The following CCDC88C variants were observed in gnomAD, a reference collection of about 807,000 sequenced individuals.
CCDC88C encodes the protein protein Daple.
CCDC88C carries 131 observed loss-of-function variants against 198.8 expected under a neutral mutation model. The ratio of observed to expected loss-of-function variants is 0.66; its 90% confidence interval spans 0.57 to 0.76. CCDC88C has a LOEUF of 0.76. CCDC88C is among the 30% of genes least tolerant of loss of function. CCDC88C has a pLI of 0.00. For synonymous variants in CCDC88C, 1,166 were observed against 1,114.7 expected (o/e 1.05, Z -0.92); for missense variants, 2,553 against 2,631.6 (o/e 0.97, Z 0.65).
rs142378431 is a variant in CCDC88C, at chr14:91,325,949, C to G, written c.1158G>C (p.Glu386Asp). 1.4e-4 allele frequency: 211 copies of G among 1,559,466 alleles called. No individual in the cohort carries two copies. The East Asian group carries it at 4.7e-3, about 34-fold the overall frequency. ...GAAGCTTGGATTTCAGCTGCAGGTT[C>G]TCCTTTTCCAGCTCATGGACTTTAT... ...RGDKVHELEK[E>D]NLQLKSKLHD... The change falls in exon 11 of 30, where the codon GAG becomes GAC. Residue 386 changes from glutamate (E) to aspartate (D), a missense_variant. Glu to Asp is a conservative substitution (Grantham distance 45). Coordinates refer to ENST00000389857, the MANE Select transcript of CCDC88C (RefSeq NM_001080414.4). The surrounding 1 kb of genome is among the most constrained non-coding windows in gnomAD (Gnocchi z 4.1).
rs185408922 is a variant in CCDC88C at position 91,296,285 on chromosome 14, A to G, written c.3966+1020T>C. Among the ~76,000 whole-genome samples, 91 of 152,312 alleles carry G rather than the reference A, an allele frequency of 6.0e-4. 1 individual carries two copies. The highest frequency in any genetic ancestry group is 2.0e-3 in the African/African-American group (84 of 41,558). On this transcript the variant is annotated intron_variant, in intron 22 of 29. Coordinates refer to ENST00000389857, the MANE Select transcript of CCDC88C (RefSeq NM_001080414.4). ...CTGAGTGAATCATCAGCATCTTCCA[A>G]AAAGTACCCCTGTCCATTTCTGTGC...
rs1314050565 is a variant in CCDC88C at position 91,381,295 on chromosome 14, T to C, written c.271-21584A>G. The stretch of plus-strand genomic sequence containing the variant: ...GCCCGTGAGGGGGTCAAACTCCAAA[T>C]CTCAAACAACCTGTGCACAGGGTAC... On this transcript the variant is annotated intron_variant, in intron 3 of 29. Coordinates refer to ENST00000389857, the MANE Select transcript of CCDC88C (RefSeq NM_001080414.4). The surrounding 1 kb of genome is among the most constrained non-coding windows in gnomAD (Gnocchi z 4.2). Among the ~76,000 whole-genome samples, 3 of 151,896 alleles carry C rather than the reference T, an allele frequency of 2.0e-5. No individual in the cohort carries two copies. The highest frequency in any genetic ancestry group is 4.4e-5 in the Non-Finnish European group (3 of 67,982).
chr14:91,373,345 C>T (rs552698132), intron 3 of CCDC88C, among the ~76,000 whole-genome samples: 15 of 152,096 alleles, frequency 9.9e-5, no homozygotes, highest in Non-Finnish European at 1.5e-4. Context: ...AAGTGTGCCA[C>T]GGTTCATCAG....
At chr14:91,289,862 G>A (rs1019401645) in intron 24 of CCDC88C, among the ~76,000 whole-genome samples, 11 of 152,070 alleles carry the variant, frequency 7.2e-5, no homozygotes, top group African/African-American at 2.4e-4. Context: ...GGTGTGACAT[G>A]AAGAGAACCC....
At position 91,277,943 on chromosome 14, in the gene CCDC88C, G is replaced by A; in HGVS notation, c.5037C>T (p.Ser1679=). 6.6e-7 allele frequency: 1 copy of A among 1,518,494 alleles called. No individual in the cohort carries two copies. Among genetic ancestry groups the A allele is most frequent in the Non-Finnish European group, 8.9e-7 (1 of 1,124,344 alleles). 94.1% of individuals were successfully genotyped at this position (1,518,494 alleles called of 1,614,324 possible). Residue 1679 remains serine, a synonymous_variant, in exon 29 of 30, where the codon AGC becomes AGT. Transcript: ENST00000389857. ...MVTLEEFLEE[S]NRSSPTHDTP... ...TCACATGGGTGGGGGAGCTGCGGTT[G>A]CTCTCCTCCAGGAACTCCTCCAAGG...
chr14:91,369,874 C>T (rs1246853810), intron 3 of CCDC88C, among the ~76,000 whole-genome samples: 2 of 152,222 alleles, frequency 1.3e-5, no homozygotes, highest in African/African-American at 4.8e-5. Context: ...GCTCCCCTAA[C>T]AAGGCCACCC....
intron 4 of CCDC88C, among the ~76,000 whole-genome samples, chr14:91,344,712 C>T (rs532897702): frequency 3.0e-4 from 46 of 151,546 alleles, no homozygotes; most frequent in African/African-American, 1.0e-3. Context: ...GGGGTTTCAC[C>T]GTGGTCTCAA....
Position 91,338,077 on chromosome 14 carries a change from C to T in CCDC88C, c.978G>A (p.Glu326=). ...AGCGGGTCAGCTCCAGCTCCAGCCTCTCCACGCGGTTCGCCTTCTCCCGCA... is the reference window on the plus strand; with the variant it reads ...AGCGGGTCAGCTCCAGCTCCAGCCTTTCCACGCGGTTCGCCTTCTCCCGCA... ...DSLREKANRV[E]RLELELTRCK... Residue 326 remains glutamate, a synonymous_variant, in exon 10 of 30, where the codon GAG becomes GAA. Coordinates refer to ENST00000389857, the MANE Select transcript of CCDC88C (RefSeq NM_001080414.4). The surrounding 1 kb of genome is among the most constrained non-coding windows in gnomAD (Gnocchi z 4.8). 1 of 1,613,908 alleles carries T rather than the reference C, an allele frequency of 6.2e-7. No individual in the cohort carries two copies. The highest frequency in any genetic ancestry group is 8.5e-7 in the Non-Finnish European group (1 of 1,179,902).
rs1283092417 is a variant in CCDC88C, at chr14:91,416,761, A to G, written c.138T>C (p.Phe46=). 1.9e-6 allele frequency: 3 copies of G among 1,613,208 alleles called. No homozygotes were observed. The highest frequency in any genetic ancestry group is 2.7e-5 in the African/African-American group (2 of 74,888). The stretch of plus-strand genomic sequence containing the variant: ...ACATTTGCAGCATAATTTGGTTCAA[A>G]AAGATGCCGTCCACTAAATCCATGT... ...TMYMDLVDGI[F]LNQIMLQIDP... is the part of the protein sequence containing the mutation. Residue 46 remains phenylalanine (F), a synonymous_variant, in exon 2 of 30, where the codon TTT becomes TTC. Coordinates refer to ENST00000389857, the MANE Select transcript of CCDC88C (RefSeq NM_001080414.4).
In CCDC88C at chr14:91,303,834, G is replaced by C; in HGVS notation, c.3502C>G (p.Leu1168Val). The part of the protein sequence containing the change: ...EQLTAAYEAL[L>V]QDHEHLGTLH... ...GTGCCCAGGTGCTCGTGGTCCTGCA[G>C]CAGGGCCTCGTAGGCCGCTGTAAGT... Residue 1168 changes from leucine (L) to valine (V), a missense_variant, in exon 20 of 30, where the codon CTG becomes GTG. Leu to Val is a conservative substitution (Grantham distance 32). This residue lies in a region of CCDC88C where 1,293 missense variants were observed against 1,219.6 expected (regional missense o/e 1.06). Transcript: ENST00000389857. 9 of 1,613,284 alleles carry C rather than the reference G, an allele frequency of 5.6e-6. No individual in the cohort carries two copies. Among genetic ancestry groups the C allele is most frequent in the Non-Finnish European group, 7.6e-6 (9 of 1,179,900 alleles).
chr14:91,369,862 C>T (rs950760096), intron 3 of CCDC88C, among the ~76,000 whole-genome samples: 2 of 152,184 alleles, frequency 1.3e-5, no homozygotes, highest in East Asian at 1.9e-4. Flanking sequence ...CCAGGAGCGC[C>T]GGCTCCCCTA....
intron 4 of CCDC88C, 132 bp from the exon 5 acceptor site, chr14:91,343,789 A>C (rs1416401486): frequency 8.0e-6 from 8 of 996,080 alleles, no homozygotes; most frequent in Non-Finnish European, 1.2e-5. Flanking sequence ...AGGTATACAC[A>C]CTCCATCGAT....
chr14:91,311,483 C>T (rs1891821442), intron 15 of CCDC88C, among the ~76,000 whole-genome samples: 2 of 152,218 alleles, frequency 1.3e-5, no homozygotes, highest in African/African-American at 2.4e-5. Flanking sequence ...TCTCTTCCTC[C>T]TCTACCCACC....
chr14:91,409,443 G>A (rs983813452), intron 2 of CCDC88C, among the ~76,000 whole-genome samples: 16 of 151,672 alleles, frequency 1.1e-4, no homozygotes, highest in African/African-American at 2.9e-4. Flanking sequence ...CCAAAACACT[G>A]GGATGACAGG....
chr14:91,339,806 G>A lies in CCDC88C; in HGVS notation c.624+78C>T. The A allele has an allele frequency of 6.9e-7, 1 of 1,450,046 alleles. No homozygotes were observed. Among genetic ancestry groups the A allele is most frequent in the Non-Finnish European group, 9.1e-7 (1 of 1,092,904 alleles). 89.8% of individuals were successfully genotyped at this position (1,450,046 alleles called of 1,614,324 possible). On this transcript the variant is annotated intron_variant, in intron 7 of 29. Coordinates refer to ENST00000389857, the MANE Select transcript of CCDC88C (RefSeq NM_001080414.4). The surrounding 1 kb of genome is among the most constrained non-coding windows in gnomAD (Gnocchi z 5.8). ...TCAGCAGCAGGACCGAGGCGTCTAG[G>A]CTGAAGATGAAGGGAGAGGAGATGA...
intron 3 of CCDC88C, among the ~76,000 whole-genome samples, chr14:91,377,922 C>T (rs1167868712): frequency 4.6e-5 from 7 of 152,202 alleles, no homozygotes; most frequent in Admixed American, 2.0e-4. Flanking sequence ...CCCAGGAGCA[C>T]ACGACGCTGC....
intron 3 of CCDC88C, among the ~76,000 whole-genome samples, chr14:91,367,631 T>C (rs1027143783): frequency 1.1e-4 from 17 of 151,694 alleles, no homozygotes; most frequent in Admixed American, 1.3e-4. Context: ...GCACAGGGAG[T>C]ACTGCCAAAC....
At chr14:91,297,611 T>C (rs1283360647) in intron 21 of CCDC88C, 120 bp from the exon 22 acceptor site, 6 of 973,668 alleles carry the variant, frequency 6.2e-6, no homozygotes, top group Non-Finnish European at 8.8e-6. Context: ...TTAGACAAAA[T>C]CACAACCTCT....
chr14:91,333,725 G>C (rs1892930376), intron 10 of CCDC88C, among the ~76,000 whole-genome samples: 1 of 152,176 alleles, frequency 6.6e-6, no homozygotes, highest in African/African-American at 2.4e-5. Flanking sequence ...GTAAAATGCA[G>C]ATTTCTAGGG....
Sources: gnomAD v4.1 joint callset for allele counts (sites outside exome capture counted in the v4.1 genomes callset) on GRCh38, gnomAD v4.1.1 for gene constraint, gnomAD v4.1.1 regional missense constraint, Gnocchi (gnomAD v3.1) non-coding constraint, MANE v1.5 for transcripts, NCBI Gene and HGNC (gene_info 2026-07-23, HGNC 2026-07-21) for gene names.